Variants in PPFIA2 observed in about 807,000 individuals in gnomAD.
PPFIA2 encodes the protein PPFI scaffold protein A2, also known as liprin-alpha-2.
PPFIA2 carries 46 observed loss-of-function variants against 175.5 expected under a neutral mutation model. The ratio of observed to expected loss-of-function variants is 0.26; its 90% CI spans 0.21 to 0.34. The LOEUF is 0.34. Ranked by LOEUF, PPFIA2 falls within the 10% of genes least tolerant of loss-of-function variation. The pLI, the probability that PPFIA2 is intolerant of heterozygous loss-of-function variation, is 1.00. For missense variants in PPFIA2, 1,179 were observed against 1,506.1 expected (o/e 0.78, Z 3.60); for synonymous variants, 568 against 511.4 (o/e 1.11, Z -1.49).
At chr12:81,698,846 G>A (rs1290196895) in intron 3 of PPFIA2, among the ~76,000 whole-genome samples, 2 of 152,038 alleles carry the variant, frequency 1.3e-5, no homozygotes, top group Admixed American at 1.3e-4. Context: ...TAAAGTAGTG[G>A]TTTTGAGTAG....
At chr12:81,671,048 T>C (rs2071303927) in intron 4 of PPFIA2, among the ~76,000 whole-genome samples, 1 of 151,996 alleles carries the variant, frequency 6.6e-6, no homozygotes, top group African/African-American at 2.4e-5. Flanking sequence ...ATAAATAGCT[T>C]TAAATGAGAC....
chr12:81,555,445 G>A (rs1169430136), intron 4 of PPFIA2, among the ~76,000 whole-genome samples: 1 of 151,894 alleles, frequency 6.6e-6, no homozygotes, highest in East Asian at 1.9e-4. Flanking sequence ...TTTAATTAAT[G>A]AATGATGTTG....
intron 3 of PPFIA2, among the ~76,000 whole-genome samples, chr12:81,736,831 C>T (rs2081639276): frequency 6.6e-6 from 1 of 152,000 alleles, no homozygotes; most frequent in South Asian, 2.1e-4. Context: ...TAACCTCAAA[C>T]TCCTGGACTC....
At chr12:81,659,852 C>T (rs986527339) in intron 4 of PPFIA2, among the ~76,000 whole-genome samples, 2 of 152,144 alleles carry the variant, frequency 1.3e-5, no homozygotes, top group Non-Finnish European at 2.9e-5. Flanking sequence ...CCCTCTGAGA[C>T]AAAACTTCCA....
intron 4 of PPFIA2, among the ~76,000 whole-genome samples, chr12:81,548,901 A>G (rs535490123): frequency 9.2e-5 from 14 of 152,306 alleles, no homozygotes; most frequent in Non-Finnish European, 1.9e-4. Flanking sequence ...GATTTTAAAC[A>G]AAGAAACTGC....
At chr12:81,333,759 G>A (rs1305488290) in intron 21 of PPFIA2, among the ~76,000 whole-genome samples, 2 of 152,026 alleles carry the variant, frequency 1.3e-5, no homozygotes, top group Non-Finnish European at 2.9e-5. Flanking sequence ...TTTTCACTTA[G>A]GATTCCTCCC....
chr12:81,404,942 T>G (rs2042675233), intron 8 of PPFIA2, among the ~76,000 whole-genome samples: 1 of 152,218 alleles, frequency 6.6e-6, no homozygotes, highest in Admixed American at 6.5e-5. Flanking sequence ...TCATGTGGTC[T>G]TCATTTAGGA....
At chr12:81,421,909 T>TTATATCATGAAAAGTTATGCC (rs1479619897) in intron 7 of PPFIA2, among the ~76,000 whole-genome samples, 1 of 151,818 alleles carries the variant, frequency 6.6e-6, no homozygotes, top group African/African-American at 2.4e-5. Context: ...GTAGTTATGC[T>TTATATCATGAAAAGTTATGCC]TATATCATGA....
At chr12:81,277,884 T>G (rs2040956338) in intron 27 of PPFIA2, among the ~76,000 whole-genome samples, 1 of 152,124 alleles carries the variant, frequency 6.6e-6, no homozygotes, top group Non-Finnish European at 1.5e-5. Flanking sequence ...AATGAGTAGC[T>G]CATAACTCTA....
intron 7 of PPFIA2, among the ~76,000 whole-genome samples, chr12:81,408,203 T>C (rs1047560905): frequency 2.0e-5 from 3 of 152,138 alleles, no homozygotes; most frequent in African/African-American, 7.2e-5. Context: ...AAGAATAAAA[T>C]AGCTCCTAGA....
intron 27 of PPFIA2, among the ~76,000 whole-genome samples, chr12:81,280,809 A>G (rs187376659): frequency 1.5e-3 from 224 of 152,234 alleles, no homozygotes; most frequent in Non-Finnish European, 1.4e-3. Context: ...AAAAACACAA[A>G]TATGTCTTAG....
chr12:81,457,922 A>G (rs991600530), intron 4 of PPFIA2, 56 bp from the exon 5 acceptor site: 4 of 1,188,636 alleles, frequency 3.4e-6, no homozygotes, highest in African/African-American at 1.6e-5. Context: ...AGCAGAAAAA[A>G]ATTCAAAATA....
chr12:81,440,071 C>T, intron 6 of PPFIA2, 25 bp from the exon 7 acceptor site: 1 of 1,512,592 alleles, frequency 6.6e-7, no homozygotes, highest in Non-Finnish European at 9.1e-7. Flanking sequence ...AAAATATGTG[C>T]AGTAATGTAC....
At chr12:81,562,503 T>C (rs1331500429) in intron 4 of PPFIA2, among the ~76,000 whole-genome samples, 2 of 152,034 alleles carry the variant, frequency 1.3e-5, no homozygotes, top group Non-Finnish European at 2.9e-5. Flanking sequence ...AGATGATAGG[T>C]AAATAAGTTT....
chr12:81,730,593 T>C (rs151251566), intron 3 of PPFIA2, among the ~76,000 whole-genome samples: 5 of 151,676 alleles, frequency 3.3e-5, no homozygotes, highest in Middle Eastern at 3.4e-3. Context: ...CATGTGGGGA[T>C]TATTGGGATT....
chr12:81,596,182 A>G (rs1412685491), intron 4 of PPFIA2, among the ~76,000 whole-genome samples: 1 of 151,952 alleles, frequency 6.6e-6, no homozygotes, highest in African/African-American at 2.4e-5. Context: ...TCTAATAATC[A>G]TTCAGTATAA....
intron 3 of PPFIA2, among the ~76,000 whole-genome samples, chr12:81,751,605 G>A (rs1041616235): frequency 6.6e-6 from 1 of 151,460 alleles, no homozygotes; most frequent in African/African-American, 2.4e-5. Flanking sequence ...CAGAGAGTAA[G>A]AGAGAAAGAG....
At chr12:81,627,130 G>A (rs1187153553) in intron 4 of PPFIA2, among the ~76,000 whole-genome samples, 1 of 151,902 alleles carries the variant, frequency 6.6e-6, no homozygotes, top group Non-Finnish European at 1.5e-5. Context: ...GTAATGGGAT[G>A]GGGAGGGACA....
At chr12:81,743,411 C>CAAAAAAAAAAAAAAAAAAAAAA (rs772497730) in intron 3 of PPFIA2, among the ~76,000 whole-genome samples, 2 of 24,852 alleles carry the variant, frequency 8.0e-5, no homozygotes, top group African/African-American at 1.8e-4. Context: ...GACTCCGTCT[C>CAAAAAAAAAAAAAAAAAAAAAA]AAAAAAAAAA....
Sources: gnomAD v4.1 joint callset for allele counts (sites outside exome capture counted in the v4.1 genomes callset) on GRCh38, gnomAD v4.1.1 for gene constraint, MANE v1.5 for transcripts, NCBI Gene and HGNC (gene_info 2026-07-23, HGNC 2026-07-21) for gene names.